PDLIM5: variants seen among roughly 807,000 people sequenced by gnomAD.
PDLIM5 encodes the protein PDZ and LIM domain 5, also known as PDZ and LIM domain protein 5.
In PDLIM5, 34 loss-of-function variants were observed where a neutral mutation model predicts 64.2. That is an observed-to-expected ratio of 0.53 (90% CI 0.40 to 0.71). The LOEUF is 0.71. Among genes scored for constraint, PDLIM5 ranks in the 30% least tolerant of loss-of-function variants. The pLI is 0.00. For synonymous variants in PDLIM5, 253 were observed against 269.1 expected (o/e 0.94, Z 0.59); for missense variants, 683 against 733.6 (o/e 0.93, Z 0.80).
At chr4:94,571,717 TTAAAG>T (rs1392470319) in intron 3 of PDLIM5, among the ~76,000 whole-genome samples, 6 of 152,236 alleles carry the variant, frequency 3.9e-5, no homozygotes, top group African/African-American at 7.2e-5. Context: ...TATGACATTG[TTAAAG>T]TAAAAGATGC....
At chr4:94,551,664 C>A (rs1294897329) in intron 3 of PDLIM5, among the ~76,000 whole-genome samples, 1 of 152,006 alleles carries the variant, frequency 6.6e-6, no homozygotes, top group Non-Finnish European at 1.5e-5. Flanking sequence ...GTATTTCTTT[C>A]AATACATGAA....
In PDLIM5 at chr4:94,534,275, A is replaced by G. The variant is rs371245336; in HGVS notation, c.248+10400A>G. On this transcript the variant is annotated intron_variant, in intron 3 of 12. Transcript: ENST00000317968. ...TTTAAAGTAATTTTCTGAGTAACAT[A>G]TTAAAATCAAGTAAAATTACTAACT... is the stretch of plus-strand genomic sequence containing the variant. Among the ~76,000 whole-genome samples, 9 of 152,348 alleles carry G rather than the reference A, an allele frequency of 5.9e-5. No individual in the cohort carries two copies. In the South Asian group the frequency reaches 1.0e-3, roughly 18 times the overall value.
intron 7 of PDLIM5, among the ~76,000 whole-genome samples, chr4:94,596,903 T>C (rs1737109388): frequency 6.6e-6 from 1 of 152,134 alleles, no homozygotes. Flanking sequence ...TATTCTCTTT[T>C]GTGTTTTTCT....
intron 7 of PDLIM5, chr4:94,608,209 T>A: frequency 1.4e-6 from 2 of 1,481,402 alleles, no homozygotes; most frequent in Non-Finnish European, 1.8e-6. Flanking sequence ...GTTTCTAAAT[T>A]TCAAAGCTGG....
chr4:94,650,589 G>C (rs752494035), intron 9 of PDLIM5, among the ~76,000 whole-genome samples: 1 of 151,798 alleles, frequency 6.6e-6, no homozygotes, highest in Non-Finnish European at 1.5e-5. Flanking sequence ...TTTCTCTGAC[G>C]TTTTCTTCAT....
intron 7 of PDLIM5, chr4:94,610,377 A>G: frequency 2.3e-6 from 2 of 866,128 alleles, no homozygotes; most frequent in Non-Finnish European, 3.3e-6. Context: ...CACCTCAAAG[A>G]AAACATGCCC....
At position 94,665,571 on chromosome 4, in the gene PDLIM5, C is replaced by G; in HGVS notation, c.*1504C>G. 1 of 916,180 alleles carries G rather than the reference C, an allele frequency of 1.1e-6. No individual in the cohort carries two copies. Among genetic ancestry groups the G allele is most frequent in the Non-Finnish European group, 1.3e-6 (1 of 791,358 alleles). The allele number at this position is 916,180 out of a possible 1,614,324, so 56.8% of individuals were successfully genotyped here. On this transcript the variant is annotated 3_prime_UTR_variant, in exon 13 of 13. Transcript: ENST00000317968. ...TTGTGAATCAGAAGATTATACCCCC[C>G]AATTGTTTTTCAATCCCCTTTTCTC...
At chr4:94,484,707 G>T (rs188658618) in intron 2 of PDLIM5, among the ~76,000 whole-genome samples, 1 of 152,154 alleles carries the variant, frequency 6.6e-6, no homozygotes, top group Admixed American at 6.6e-5. Context: ...TGTACTAAAA[G>T]GACACTGGGT....
intron 3 of PDLIM5, among the ~76,000 whole-genome samples, chr4:94,565,198 C>G (rs546891736): frequency 6.6e-6 from 1 of 152,214 alleles, no homozygotes; most frequent in Admixed American, 6.5e-5. Context: ...TTAATCCTTA[C>G]AGGATAAACA....
At chr4:94,508,821 A>G (rs1728619958) in intron 2 of PDLIM5, among the ~76,000 whole-genome samples, 1 of 152,164 alleles carries the variant, frequency 6.6e-6, no homozygotes, top group Non-Finnish European at 1.5e-5. Context: ...CACCAACCTA[A>G]TATGACTTTT....
At chr4:94,543,627 C>T (rs1333985718) in intron 3 of PDLIM5, among the ~76,000 whole-genome samples, 2 of 152,244 alleles carry the variant, frequency 1.3e-5, no homozygotes, top group East Asian at 3.9e-4. Flanking sequence ...TTCTGTGCCT[C>T]TATGAGTTCA....
chr4:94,539,960 A>G (rs1006492861), intron 3 of PDLIM5, among the ~76,000 whole-genome samples: 2 of 152,070 alleles, frequency 1.3e-5, no homozygotes, highest in African/African-American at 4.8e-5. Flanking sequence ...TTCTAAGTTA[A>G]TGGGAAACTG....
chr4:94,626,796 G>GTT (rs201279193), intron 8 of PDLIM5, among the ~76,000 whole-genome samples: 19 of 142,438 alleles, frequency 1.3e-4, no homozygotes, highest in Admixed American at 5.6e-4. Flanking sequence ...GTGTTTTTTT[G>GTT]TTTTTTTTTT....
At position 94,626,860 on chromosome 4, in the gene PDLIM5, A is replaced by C. The variant is rs549895597; in HGVS notation, c.1108+8669A>C. Reference sequence around the variant, plus strand: ...ATTTGATTAGATCAAAGACTGAATGATGTGCATCTCAGTTATAAGTGGATA... The same window carrying C: ...ATTTGATTAGATCAAAGACTGAATGCTGTGCATCTCAGTTATAAGTGGATA... On this transcript the variant is annotated intron_variant, in intron 8 of 12. Coordinates refer to ENST00000317968, the MANE Select transcript of PDLIM5 (RefSeq NM_006457.5). 2.0e-5 allele frequency among the ~76,000 whole-genome samples: 3 copies of C among 151,830 alleles called. No individual in the cohort carries two copies. The East Asian group carries it at 5.8e-4, about 29-fold the overall frequency.
intron 3 of PDLIM5, among the ~76,000 whole-genome samples, chr4:94,540,489 AG>A (rs1159776471): frequency 3.3e-5 from 5 of 152,224 alleles, no homozygotes; most frequent in Non-Finnish European, 7.3e-5. Context: ...TCACACAGCC[AG>A]GATGAAAAAC....
chr4:94,479,400 C>T (rs1725652323), intron 2 of PDLIM5, among the ~76,000 whole-genome samples: 1 of 148,850 alleles, frequency 6.7e-6, no homozygotes, highest in African/African-American at 2.5e-5. Context: ...AATCGTGGCT[C>T]ACTGCAGCCT....
intron 7 of PDLIM5, chr4:94,587,641 C>G (rs1246714558): frequency 2.0e-6 from 2 of 979,282 alleles, no homozygotes; most frequent in African/African-American, 3.5e-5. Context: ...AAAGTAGGTA[C>G]TATTCAGGAT....
chr4:94,633,155 A>G (rs1010109576), intron 8 of PDLIM5, among the ~76,000 whole-genome samples: 9 of 152,194 alleles, frequency 5.9e-5, no homozygotes, highest in Non-Finnish European at 1.2e-4. Context: ...CGTATCTTGA[A>G]TTTGTTTCAA....
At chr4:94,494,461 C>T (rs62319391) in intron 2 of PDLIM5, among the ~76,000 whole-genome samples, 3,027 of 40,054 alleles carry the variant, frequency 0.076, 80 homozygotes, top group East Asian at 0.36. Context: ...TTTTTTGAGA[C>T]GGAATTTCAC....
Sources: allele counts gnomAD v4.1 joint callset (sites outside exome capture counted in the v4.1 genomes callset), GRCh38; gene constraint gnomAD v4.1.1; transcripts MANE v1.5; gene names NCBI Gene and HGNC (gene_info 2026-07-23, HGNC 2026-07-21).